Variants in TBC1D31 observed in about 807,000 individuals in gnomAD.
TBC1D31 encodes WD repeat domain 67.
A neutral mutation model predicts 132.9 loss-of-function variants in TBC1D31; 99 were observed. The ratio of observed to expected loss-of-function variants is 0.74; its 90% CI spans 0.63 to 0.88. The LOEUF (loss-of-function observed/expected upper bound fraction) is 0.88. Among genes scored for constraint, TBC1D31 ranks in the 40% least tolerant of loss-of-function variants. TBC1D31 has a pLI of 0.00. For synonymous variants in TBC1D31, 385 were observed against 419.4 expected, an observed-to-expected ratio of 0.92 and a Z score of 1.00; for missense variants, 1,134 against 1,256.6, an observed-to-expected ratio of 0.90 and a Z score of 1.48.
chr8:123,099,428 A>C (rs1229856142), intron 6 of TBC1D31, among the ~76,000 whole-genome samples: 1 of 152,018 alleles, frequency 6.6e-6, no homozygotes, highest in Non-Finnish European at 1.5e-5. Flanking sequence ...CCTTTATTAC[A>C]TGTTCTTAAT....
chr8:123,084,381 G>T, intron 4 of TBC1D31, 41 bp downstream of exon 4: 1 of 1,585,186 alleles, frequency 6.3e-7, no homozygotes, highest in Non-Finnish European at 8.6e-7. Context: ...TGCTTCTCGG[G>T]CTAATTTCTT....
chr8:123,105,415 A>C lies in TBC1D31; in HGVS notation c.1160A>C (p.Gln387Pro). 1.2e-6 allele frequency: 2 copies of C among 1,612,932 alleles called. No homozygotes were observed. Among genetic ancestry groups the C allele is most frequent in the Non-Finnish European group, 1.7e-6 (2 of 1,179,462 alleles). ...GCAAAATCTAGGGAAAGCAAAATGC[A>C]AACTAGAATATTAAAACAAGACCTG... ...QPAKSRESKM[Q>P]TRILKQDLTG... is the part of the protein sequence containing the mutation. The change falls in exon 8 of 22, where the codon CAA becomes CCA. Residue 387 changes from glutamine (Q) to proline (P), a missense_variant. Transcript: ENST00000287380.
rs1821602832 is a variant in TBC1D31, at chr8:123,140,985, C to T, written c.2640+84C>T. On this transcript the variant is annotated intron_variant, in intron 18 of 21. Coordinates refer to ENST00000287380, the MANE Select transcript of TBC1D31 (RefSeq NM_145647.4). ...TTAAGAGAACAAAATCGAAATTAAA[C>T]TCTGTGAAGTTGAGTTAGTTTGTTT... The T allele has an allele frequency of 6.2e-6, 8 of 1,295,488 alleles. No homozygotes were observed. In the South Asian group the frequency reaches 9.2e-5, roughly 15 times the overall value. The allele number at this position is 1,295,488 out of a possible 1,614,324, so 80.2% of individuals were successfully genotyped here.
intron 1 of TBC1D31, among the ~76,000 whole-genome samples, chr8:123,076,338 A>T (rs199897564): frequency 6.7e-6 from 1 of 149,340 alleles, no homozygotes; most frequent in African/African-American, 2.5e-5. Flanking sequence ...AATTGTGTGT[A>T]TGTGTGTGTG....
At chr8:123,098,633 C>T (rs1471978228) in intron 6 of TBC1D31, among the ~76,000 whole-genome samples, 2 of 152,198 alleles carry the variant, frequency 1.3e-5, no homozygotes, top group East Asian at 1.9e-4. Context: ...CAGTGCAGAA[C>T]TTCTTTCTTT....
chr8:123,123,861 G>C (rs543424138), intron 11 of TBC1D31, among the ~76,000 whole-genome samples: 1 of 152,200 alleles, frequency 6.6e-6, no homozygotes, highest in South Asian at 2.1e-4. Flanking sequence ...GGATAGTCTT[G>C]TCCTGGTGAT....
In TBC1D31 at chr8:123,117,752, CAAAAAAAAAAAA is replaced by C. The variant is rs71310657; in HGVS notation, c.1437-2286_1437-2275del. 5.6e-5 allele frequency among the ~76,000 whole-genome samples: 5 copies of C among 89,932 alleles called. No homozygotes were observed. In the East Asian group the frequency reaches 1.1e-3, roughly 20 times the overall value. 59.0% of individuals were successfully genotyped at this position (89,932 alleles called of 152,430 possible). A position where few individuals can be genotyped will look rare whatever the true frequency, so the allele number is the denominator to read the frequency against. On this transcript the variant is annotated intron_variant, in intron 10 of 21. Transcript: ENST00000287380. ...TGGGCGACAGAGCGAAACTCCGTCT[CAAAAAAAAAAAA>C]AAAAAAAAAAAAAAAATTAATTGAG...
chr8:123,145,411 G>A (rs1234419650), intron 20 of TBC1D31, among the ~76,000 whole-genome samples: 1 of 152,144 alleles, frequency 6.6e-6, no homozygotes, highest in Non-Finnish European at 1.5e-5. Context: ...TGATTCTGTT[G>A]CTCCAAGGTA....
At chr8:123,097,532 C>G in intron 6 of TBC1D31, 91 bp downstream of exon 6, 1 of 1,331,276 alleles carries the variant, frequency 7.5e-7, no homozygotes, top group Non-Finnish European at 1.0e-6. Context: ...TAACTTACAC[C>G]CTGGCTGTTA....
chr8:123,165,111 C>T, the TBC1D31 span, among the ~76,000 whole-genome samples: 1 of 152,224 alleles, frequency 6.6e-6, no homozygotes, highest in Non-Finnish European at 1.5e-5. Context: ...GAAACCAATC[C>T]TGTCAACACC....
Position 123,109,459 on chromosome 8 carries a change from A to G in TBC1D31, c.1290-15A>G, listed in dbSNP as rs561493807. On this transcript the variant is annotated splice_polypyrimidine_tract_variant and intron_variant, in intron 9 of 21. Coordinates refer to ENST00000287380, the MANE Select transcript of TBC1D31 (RefSeq NM_145647.4). ...CAAAAAAAATTGGGGGGATTAAAAT[A>G]TATTTTTATTTCAGAATGTTCATTT... 1.3e-5 allele frequency: 21 copies of G among 1,610,824 alleles called. 1 individual carries two copies. In the South Asian group the frequency reaches 2.1e-4, roughly 16 times the overall value.
At position 123,072,719 on chromosome 8, in the gene TBC1D31, C is replaced by A. The variant is rs995300189; in HGVS notation, c.-51C>A. ...GGGAGCGCTGGGCCTGCCGGGAAGG[C>A]GCTGGGACGGTTACCCAGCGGGCCG... On this transcript the variant is annotated 5_prime_UTR_variant, in exon 1 of 22. Coordinates refer to ENST00000287380, the MANE Select transcript of TBC1D31 (RefSeq NM_145647.4). 8.4e-5 allele frequency: 130 copies of A among 1,539,466 alleles called. No individual in the cohort carries two copies. The highest frequency in any genetic ancestry group is 1.1e-4 in the Non-Finnish European group (123 of 1,137,800).
intron 11 of TBC1D31, 63 bp from the exon 12 acceptor site, chr8:123,125,993 G>A (rs1182909307): frequency 3.0e-6 from 4 of 1,324,872 alleles, no homozygotes; most frequent in Non-Finnish European, 4.0e-6. Flanking sequence ...TTTAAGAATT[G>A]CAAAGAGTTT....
intron 1 of TBC1D31, among the ~76,000 whole-genome samples, chr8:123,076,154 C>T (rs1437647981): frequency 2.6e-5 from 4 of 152,048 alleles, no homozygotes; most frequent in Admixed American, 6.5e-5. Flanking sequence ...GGCAGGAGTG[C>T]GGTGGCATGA....
intron 5 of TBC1D31, among the ~76,000 whole-genome samples, chr8:123,094,444 A>G (rs1816653193): frequency 6.6e-6 from 1 of 152,178 alleles, no homozygotes; most frequent in Non-Finnish European, 1.5e-5. Flanking sequence ...TTATCCATAA[A>G]TATTTCAGTT....
chr8:123,128,513 G>A lies in TBC1D31; in HGVS notation c.2117G>A (p.Arg706Lys). Residue 706 changes from arginine (R) to lysine (K), a missense_variant and splice_region_variant, in exon 14 of 22, where the codon AGG becomes AAG. Physicochemically the swap from Arg to Lys is conservative, Grantham distance 26. Transcript: ENST00000287380. ...RNDELDYLRE[R>K]QTVEDMQAKV... is the part of the protein sequence containing the mutation. ...GATGAATTGGATTACTTAAGAGAGA[G>A]GTAATTATGGAATAGTTTTTCTTTT... 4 of 1,556,070 alleles carry A rather than the reference G, an allele frequency of 2.6e-6. No individual in the cohort carries two copies. Among genetic ancestry groups the A allele is most frequent in the East Asian group, 2.3e-5 (1 of 44,428 alleles).
In TBC1D31 at chr8:123,084,330, G is replaced by A. The variant is rs761548988; in HGVS notation, c.509G>A (p.Gly170Asp). ...KRKLNIRQSVGIQKVFFLPLS... is the reference protein window; with the variant it reads ...KRKLNIRQSVDIQKVFFLPLS... ...AAGCTGAATATTCGCCAGTCTGTGG[G>A]TATACAGAAGGTCAGTGAGGGGGTA... Residue 170 changes from glycine (G) to aspartate (D), a missense_variant, in exon 4 of 22, where the codon GGT (glycine) becomes GAT (aspartate). Gly to Asp is a moderately conservative substitution (Grantham distance 94, BLOSUM62 -1). Transcript: ENST00000287380. 1 of 1,614,004 alleles carries A rather than the reference G, an allele frequency of 6.2e-7. No individual in the cohort carries two copies. The highest frequency in any genetic ancestry group is 1.1e-5 in the South Asian group (1 of 91,046).
intron 4 of TBC1D31, among the ~76,000 whole-genome samples, chr8:123,087,762 G>C (rs536485140): frequency 6.6e-6 from 1 of 152,170 alleles, no homozygotes; most frequent in African/African-American, 2.4e-5. Context: ...TTAAAAATTA[G>C]GACTGTGGAA....
chr8:123,093,006 T>C (rs1395061536), intron 4 of TBC1D31, among the ~76,000 whole-genome samples: 1 of 151,992 alleles, frequency 6.6e-6, no homozygotes, highest in African/African-American at 2.4e-5. Flanking sequence ...GAGACGAGGT[T>C]TCACCTTGTT....
Sources: allele counts gnomAD v4.1 joint callset (sites outside exome capture counted in the v4.1 genomes callset), GRCh38; gene constraint gnomAD v4.1.1; transcripts MANE v1.5; gene names NCBI Gene and HGNC (gene_info 2026-07-23, HGNC 2026-07-21).